CHN2: variants seen among roughly 807,000 people sequenced by gnomAD.
CHN2 encodes chimerin 2.
In CHN2, 35 loss-of-function variants were observed where a neutral mutation model predicts 56.3. The ratio of observed to expected loss-of-function variants is 0.62; its 90% CI spans 0.47 to 0.82. The LOEUF is 0.82. Among genes scored for constraint, CHN2 ranks in the 40% least tolerant of loss-of-function variants. The pLI is 0.00. For synonymous variants in CHN2, 210 were observed against 212.8 expected (o/e 0.99, Z 0.12); for missense variants, 491 against 580.5 (o/e 0.85, Z 1.58).
At chr7:29,210,598 A>G (rs1784841825) in intron 1 of CHN2, among the ~76,000 whole-genome samples, 2 of 151,570 alleles carry the variant, frequency 1.3e-5, no homozygotes, top group African/African-American at 4.8e-5. Flanking sequence ...TATAATTTGT[A>G]TATATAAATG....
Position 29,486,213 on chromosome 7 carries a change from C to T in CHN2, c.654+5857C>T, listed in dbSNP as rs147423101. ...TCTGTTTTATTGACTGCAGAAACCC[C>T]AGTGTCTAGAACAAGTCCTGGCCCA... is the stretch of plus-strand genomic sequence containing the variant. On this transcript the variant is annotated intron_variant, in intron 7 of 12. Transcript: ENST00000222792. Among the ~76,000 whole-genome samples, 23 of 152,306 alleles carry T rather than the reference C, an allele frequency of 1.5e-4. No individual in the cohort carries two copies. In the East Asian group the frequency reaches 1.5e-3, roughly 10 times the overall value.
intron 6 of CHN2, chr7:29,479,590 T>C: frequency 1.1e-5 from 9 of 843,446 alleles, no homozygotes; most frequent in Non-Finnish European, 1.3e-5. Context: ...GATTAAACAG[T>C]CATCAGGGTT....
intron 6 of CHN2, among the ~76,000 whole-genome samples, chr7:29,417,398 C>A (rs1259724707): frequency 6.8e-6 from 1 of 146,944 alleles, no homozygotes; most frequent in Admixed American, 6.9e-5. Flanking sequence ...TGCAGTGGCG[C>A]GATCTCCGCT....
intron 1 of CHN2, among the ~76,000 whole-genome samples, chr7:29,228,890 T>C (rs1786441086): frequency 6.6e-6 from 1 of 152,224 alleles, no homozygotes; most frequent in Admixed American, 6.5e-5. Flanking sequence ...TGCACCGCCC[T>C]CCTTCCTGAG....
intron 6 of CHN2, among the ~76,000 whole-genome samples, chr7:29,457,372 C>T (rs1005856849): frequency 6.6e-6 from 1 of 152,144 alleles, no homozygotes; most frequent in African/African-American, 2.4e-5. Flanking sequence ...GACCATGTTC[C>T]TTGCATTGTC....
intron 3 of CHN2, among the ~76,000 whole-genome samples, chr7:29,384,059 G>C (rs1800735716): frequency 6.6e-6 from 1 of 152,174 alleles, no homozygotes; most frequent in Non-Finnish European, 1.5e-5. Flanking sequence ...ATGATTTCTA[G>C]CTTGGGCATT....
Position 29,198,389 on chromosome 7 carries a change from A to G in CHN2, c.49+3399A>G, listed in dbSNP as rs139481993. ...GCTGCTGTTAAACTACATCGCCCAA[A>G]TGTGTCATTTATTCTATGGTACCAA... is the stretch of plus-strand genomic sequence containing the variant. On this transcript the variant is annotated intron_variant, in intron 1 of 12. Transcript: ENST00000222792. Among the ~76,000 whole-genome samples the G allele has an allele frequency of 7.0e-3, 1,073 of 152,352 alleles. 16 individuals carry two copies. The highest frequency in any genetic ancestry group is 0.025 in the African/African-American group (1,025 of 41,580).
intron 1 of CHN2, among the ~76,000 whole-genome samples, chr7:29,343,244 C>T (rs1354583980): frequency 6.6e-6 from 1 of 152,156 alleles, no homozygotes; most frequent in Non-Finnish European, 1.5e-5. Flanking sequence ...GAAAGCATCT[C>T]CAGCTGGCTG....
intron 7 of CHN2, among the ~76,000 whole-genome samples, chr7:29,489,970 CTG>C (rs1788472772): frequency 6.6e-6 from 1 of 152,174 alleles, no homozygotes; most frequent in Non-Finnish European, 1.5e-5. Flanking sequence ...AATATGCATT[CTG>C]TCCACGTGTA....
chr7:29,291,673 T>C (rs1792638239), intron 1 of CHN2, among the ~76,000 whole-genome samples: 1 of 152,218 alleles, frequency 6.6e-6, no homozygotes, highest in South Asian at 2.1e-4. Flanking sequence ...TACCAGTTTT[T>C]CTTTCTAATA....
chr7:29,413,085 G>A lies in CHN2; in HGVS notation c.576+12257G>A, dbSNP rs1027478784. On this transcript the variant is annotated intron_variant, in intron 6 of 12. Transcript: ENST00000222792. ...AAAATGTCTGGCCGGGTCTTATGATGATAGTTTATAAATGCCCCTGTTGGT... is the reference window on the plus strand; with the variant it reads ...AAAATGTCTGGCCGGGTCTTATGATAATAGTTTATAAATGCCCCTGTTGGT... Among the ~76,000 whole-genome samples the A allele has an allele frequency of 2.6e-5, 4 of 152,180 alleles. No homozygotes were observed. The South Asian group carries it at 6.2e-4, about 24-fold the overall frequency.
chr7:29,188,235 A>C (rs1271141107), intron 2 of CHN2, among the ~76,000 whole-genome samples: 1 of 152,232 alleles, frequency 6.6e-6, no homozygotes, highest in Admixed American at 6.5e-5. Context: ...ACTTCATTCC[A>C]TCATCACAAA....
At chr7:29,291,760 A>G (rs767167400) in intron 1 of CHN2, among the ~76,000 whole-genome samples, 7 of 152,106 alleles carry the variant, frequency 4.6e-5, no homozygotes, top group Non-Finnish European at 7.4e-5. Context: ...TAAATCCTAG[A>G]AGTTGAATTG....
intron 1 of CHN2, among the ~76,000 whole-genome samples, chr7:29,321,002 G>A (rs1795300776): frequency 6.6e-6 from 1 of 152,110 alleles, no homozygotes; most frequent in Non-Finnish European, 1.5e-5. Flanking sequence ...ATTCTAAAGT[G>A]GCTTCTTTTA....
chr7:29,407,667 C>T (rs1802778280), intron 6 of CHN2, among the ~76,000 whole-genome samples: 1 of 152,194 alleles, frequency 6.6e-6, no homozygotes, highest in South Asian at 2.1e-4. Context: ...GACCAGCCGA[C>T]TTGCTGCCCT....
intron 1 of CHN2, among the ~76,000 whole-genome samples, chr7:29,261,315 G>T (rs1393672206): frequency 6.6e-6 from 1 of 152,102 alleles, no homozygotes; most frequent in African/African-American, 2.4e-5. Flanking sequence ...CCCTAACTTG[G>T]CCAAGCTCTG....
intron 1 of CHN2, among the ~76,000 whole-genome samples, chr7:29,273,361 A>ATATATATATGTGTG (rs1314376292): frequency 1.3e-5 from 1 of 77,754 alleles, no homozygotes; most frequent in African/African-American, 4.8e-5. Flanking sequence ...ATATATATAT[A>ATATATATATGTGTG]TATATATATA....
chr7:29,338,249 C>G (rs1462631152), intron 1 of CHN2, among the ~76,000 whole-genome samples: 1 of 152,178 alleles, frequency 6.6e-6, no homozygotes, highest in South Asian at 2.1e-4. Context: ...AGTTGGCCAA[C>G]TTTGGGCAAG....
intron 6 of CHN2, among the ~76,000 whole-genome samples, chr7:29,447,519 T>C (rs1784113960): frequency 1.3e-5 from 2 of 152,026 alleles, no homozygotes; most frequent in African/African-American, 2.4e-5. Flanking sequence ...GACACAAAAA[T>C]ATATGAAGAA....
Sources: gnomAD v4.1 joint callset for allele counts (sites outside exome capture counted in the v4.1 genomes callset) on GRCh38, gnomAD v4.1.1 for gene constraint, MANE v1.5 for transcripts, NCBI Gene and HGNC (gene_info 2026-07-23, HGNC 2026-07-21) for gene names.